The following SGCZ variants were observed in gnomAD, a reference collection of about 807,000 sequenced individuals.
SGCZ encodes zeta-sarcoglycan.
SGCZ carries 40 observed loss-of-function variants against 41.3 expected under a neutral mutation model. The ratio of observed to expected loss-of-function variants is 0.97; its 90% CI spans 0.75 to 1.26. The LOEUF is 1.26. Ranked by LOEUF, SGCZ falls within the 50% of genes most tolerant of loss-of-function variation. The probability of loss-of-function intolerance (pLI) is 0.00; values close to 1 mark genes in which losing one functional copy is unlikely to be tolerated. For missense variants in SGCZ, 552 were observed against 369.8 expected (o/e 1.49, Z -4.04); for synonymous variants, 206 against 137.5 (o/e 1.50, Z -3.49).
intron 1 of SGCZ, among the ~76,000 whole-genome samples, chr8:14,639,744 T>A (rs1165226623): frequency 6.6e-6 from 1 of 151,750 alleles, no homozygotes; most frequent in African/African-American, 2.4e-5. Context: ...GATAAGGACT[T>A]TGTACTGGAA....
chr8:14,873,960 G>A (rs1048137989), intron 1 of SGCZ, among the ~76,000 whole-genome samples: 1 of 152,066 alleles, frequency 6.6e-6, no homozygotes, highest in East Asian at 1.9e-4. Flanking sequence ...GCAAATATTT[G>A]TCCTTGAAGT....
At chr8:14,165,988 C>A (rs1804197063) in intron 4 of SGCZ, among the ~76,000 whole-genome samples, 1 of 152,194 alleles carries the variant, frequency 6.6e-6, no homozygotes, top group African/African-American at 2.4e-5. Context: ...TGCTGAGGAG[C>A]ATTCATCAAG....
chr8:14,540,325 G>A (rs1281191356), intron 2 of SGCZ, among the ~76,000 whole-genome samples: 3 of 138,868 alleles, frequency 2.2e-5, no homozygotes, highest in Non-Finnish European at 4.6e-5. Context: ...TTTCATTAGA[G>A]GTATCATGAG....
At chr8:14,131,524 A>G (rs746830168) in intron 5 of SGCZ, among the ~76,000 whole-genome samples, 4 of 152,146 alleles carry the variant, frequency 2.6e-5, no homozygotes, top group African/African-American at 9.7e-5. Context: ...TCTTTTATCT[A>G]TGACAAGTTC....
chr8:15,046,346 T>C (rs1804300696), intron 1 of SGCZ, among the ~76,000 whole-genome samples: 1 of 152,046 alleles, frequency 6.6e-6, no homozygotes, highest in African/African-American at 2.4e-5. Context: ...ATAATGACCA[T>C]TCAAGTTAAT....
chr8:14,268,500 A>C (rs1799952520), intron 3 of SGCZ, among the ~76,000 whole-genome samples: 1 of 151,856 alleles, frequency 6.6e-6, no homozygotes, highest in Admixed American at 6.6e-5. Context: ...ATTGGAAGTT[A>C]ATTACTCATT....
chr8:14,566,458 C>T (rs962356308), intron 1 of SGCZ, among the ~76,000 whole-genome samples: 5 of 152,182 alleles, frequency 3.3e-5, no homozygotes, highest in Non-Finnish European at 5.9e-5. Flanking sequence ...CTGCTCTCCA[C>T]TGGCGGATCT....
At chr8:14,777,808 T>G (rs1416957586) in intron 1 of SGCZ, among the ~76,000 whole-genome samples, 1 of 151,494 alleles carries the variant, frequency 6.6e-6, no homozygotes, top group African/African-American at 2.4e-5. Context: ...ATAAAGCCAG[T>G]GTGGCAAAAT....
chr8:14,354,074 A>T (rs1236060726), intron 2 of SGCZ, among the ~76,000 whole-genome samples: 1 of 152,020 alleles, frequency 6.6e-6, no homozygotes, highest in Non-Finnish European at 1.5e-5. Context: ...TCACTATTCC[A>T]CTAAGTATCT....
chr8:14,882,799 C>A lies in SGCZ; in HGVS notation c.40-327873G>T, dbSNP rs1031100987. ...ACTCTGTCTTAGCTTTTTCCCTTTT[C>A]GCACCTGCACTAGACCCTGTCGGCT... On this transcript the variant is annotated intron_variant, in intron 1 of 7. Coordinates refer to ENST00000382080, the MANE Select transcript of SGCZ (RefSeq NM_139167.4). Among the ~76,000 whole-genome samples the A allele has an allele frequency of 6.6e-5, 10 of 152,008 alleles. No individual in the cohort carries two copies. In the East Asian group the frequency reaches 1.9e-3, roughly 29 times the overall value.
chr8:15,160,280 T>G (rs1435498495), intron 1 of SGCZ, among the ~76,000 whole-genome samples: 2 of 152,208 alleles, frequency 1.3e-5, no homozygotes, highest in Non-Finnish European at 1.5e-5. Context: ...TGGTCCATAT[T>G]GTAGCAATTC....
At chr8:15,229,586 T>C (rs1801882569) in intron 1 of SGCZ, among the ~76,000 whole-genome samples, 3 of 152,186 alleles carry the variant, frequency 2.0e-5, no homozygotes, top group Admixed American at 1.3e-4. Context: ...ATGCATCCCA[T>C]GTTGGGGGAG....
chr8:14,868,567 G>T (rs563251707), intron 1 of SGCZ, among the ~76,000 whole-genome samples: 29 of 152,194 alleles, frequency 1.9e-4, no homozygotes, highest in African/African-American at 6.7e-4. Flanking sequence ...ATTTTCTGGA[G>T]AGAGTAATTG....
chr8:14,239,693 G>C (rs1248496959), intron 3 of SGCZ, among the ~76,000 whole-genome samples: 2 of 151,484 alleles, frequency 1.3e-5, no homozygotes, highest in Non-Finnish European at 1.5e-5. Flanking sequence ...ACGAGGTCAG[G>C]AGATCGAGAC....
At chr8:14,491,998 G>A (rs17244160) in intron 2 of SGCZ, among the ~76,000 whole-genome samples, 28,845 of 152,074 alleles carry the variant, frequency 0.19, 3,277 homozygotes, top group Admixed American at 0.26. Context: ...AGTTATGAGC[G>A]AGTATGTCTC....
chr8:14,674,480 T>A (rs192868708), intron 1 of SGCZ, among the ~76,000 whole-genome samples: 2 of 152,196 alleles, frequency 1.3e-5, no homozygotes, highest in Non-Finnish European at 2.9e-5. Context: ...CCTGATAGTA[T>A]AGCTATAAAT....
intron 1 of SGCZ, among the ~76,000 whole-genome samples, chr8:14,617,015 G>GA (rs893106338): frequency 1.3e-5 from 2 of 151,480 alleles, no homozygotes; most frequent in Admixed American, 6.6e-5. Flanking sequence ...TTTGTAGTAA[G>GA]AAAAAAGGGG....
At chr8:14,751,950 CAAAAA>C (rs34445154) in intron 1 of SGCZ, among the ~76,000 whole-genome samples, 1 of 126,240 alleles carries the variant, frequency 7.9e-6, no homozygotes, top group African/African-American at 2.8e-5. Flanking sequence ...CAAAAACAAA[CAAAAA>C]AAAAAAACAC....
At chr8:14,798,076 C>G (rs910462784) in intron 1 of SGCZ, among the ~76,000 whole-genome samples, 1 of 152,202 alleles carries the variant, frequency 6.6e-6, no homozygotes, top group Admixed American at 6.5e-5. Flanking sequence ...TTGGGGCCCA[C>G]TGGAACACAG....
Sources: gnomAD v4.1 joint callset for allele counts (sites outside exome capture counted in the v4.1 genomes callset) on GRCh38, gnomAD v4.1.1 for gene constraint, MANE v1.5 for transcripts, NCBI Gene and HGNC (gene_info 2026-07-23, HGNC 2026-07-21) for gene names.